The following TCN1 variants were observed in gnomAD, a reference collection of about 807,000 sequenced individuals.
TCN1 encodes the protein transcobalamin-1.
A neutral mutation model predicts 46.3 loss-of-function variants in TCN1; 47 were observed. That is an observed-to-expected ratio of 1.01 (90% CI 0.80 to 1.29). The LOEUF (loss-of-function observed/expected upper bound fraction) is 1.29. Among genes scored for constraint, TCN1 ranks in the 50% most tolerant of loss-of-function variants. The pLI, the probability that TCN1 is intolerant of heterozygous loss-of-function variation, is 0.00. For missense variants in TCN1, 532 were observed against 511.0 expected, an observed-to-expected ratio of 1.04 and a Z score of -0.40; for synonymous variants, 183 against 192.5, an observed-to-expected ratio of 0.95 and a Z score of 0.41.
At chr11:59,859,480 C>T (rs1474315867) in intron 4 of TCN1, among the ~76,000 whole-genome samples, 3 of 152,166 alleles carry the variant, frequency 2.0e-5, no homozygotes, top group Non-Finnish European at 2.9e-5. Flanking sequence ...AGATTTCTTC[C>T]CAATGTTCAG....
intron 6 of TCN1, among the ~76,000 whole-genome samples, chr11:59,855,632 T>C (rs963336227): frequency 2.6e-5 from 4 of 152,192 alleles, no homozygotes; most frequent in Non-Finnish European, 5.9e-5. Context: ...TAGACATTAT[T>C]TAATCAGGTC....
chr11:59,853,896 A>G (rs1007428136), intron 7 of TCN1, among the ~76,000 whole-genome samples: 1 of 152,154 alleles, frequency 6.6e-6, no homozygotes, highest in African/African-American at 2.4e-5. Flanking sequence ...GATTTTCTTT[A>G]TAGCATCCTA....
chr11:59,860,754 A>G (rs2135108795), intron 4 of TCN1, among the ~76,000 whole-genome samples: 1 of 152,330 alleles, frequency 6.6e-6, no homozygotes, highest in East Asian at 1.9e-4. Context: ...AAGGAAAGAT[A>G]AGGACACGTT....
intron 2 of TCN1, 98 bp from the exon 3 acceptor site, chr11:59,862,820 T>C: frequency 7.5e-7 from 1 of 1,329,708 alleles, no homozygotes; most frequent in South Asian, 1.2e-5. Flanking sequence ...ACTTTTTTCT[T>C]CTGTTGCGCT....
At chr11:59,863,160 G>T (rs1307622279) in intron 2 of TCN1, among the ~76,000 whole-genome samples, 3 of 152,148 alleles carry the variant, frequency 2.0e-5, no homozygotes, top group African/African-American at 7.2e-5. Flanking sequence ...ATGCATTCCT[G>T]TATGAATATT....
chr11:59,861,320 G>C (rs765445864), intron 4 of TCN1, among the ~76,000 whole-genome samples: 9 of 152,026 alleles, frequency 5.9e-5, no homozygotes, highest in Non-Finnish European at 1.2e-4. Context: ...GCAGAAACCG[G>C]GTATTTCTAC....
intron 5 of TCN1, 21 bp from the exon 6 acceptor site, chr11:59,856,079 G>T (rs543167013): frequency 4.6e-6 from 6 of 1,304,214 alleles, no homozygotes; most frequent in Admixed American, 3.5e-5. Context: ...AGGGTGGGGT[G>T]GGGGGGTGAT....
At chr11:59,859,374 T>C in intron 4 of TCN1, 107 bp from the exon 5 acceptor site, 1 of 1,246,730 alleles carries the variant, frequency 8.0e-7, no homozygotes, top group South Asian at 1.2e-5. Context: ...GAAAAACAGA[T>C]CTAGAAAAAC....
chr11:59,864,564 CT>C (rs1853052734), intron 1 of TCN1, among the ~76,000 whole-genome samples: 1 of 152,056 alleles, frequency 6.6e-6, no homozygotes, highest in African/African-American at 2.4e-5. Flanking sequence ...GGTAATAATT[CT>C]GTGTTATACT....
intron 2 of TCN1, among the ~76,000 whole-genome samples, chr11:59,863,060 T>C (rs1853034375): frequency 6.6e-6 from 1 of 152,134 alleles, no homozygotes; most frequent in African/African-American, 2.4e-5. Flanking sequence ...TATTTGTGTA[T>C]CTAAACATAT....
chr11:59,857,339 C>T (rs1852955225), intron 5 of TCN1, among the ~76,000 whole-genome samples: 1 of 152,080 alleles, frequency 6.6e-6, no homozygotes, highest in Non-Finnish European at 1.5e-5. Context: ...TCTAAGAGCT[C>T]CTTCAGGTGA....
intron 5 of TCN1, 60 bp downstream of exon 5, chr11:59,859,017 A>G (rs1268030538): frequency 3.2e-6 from 5 of 1,557,964 alleles, no homozygotes; most frequent in African/African-American, 1.4e-5. Context: ...AAAAAAAAAA[A>G]TACTGCTTTC....
intron 4 of TCN1, 112 bp from the exon 5 acceptor site, chr11:59,859,379 A>G (rs1852993870): frequency 8.7e-7 from 1 of 1,151,976 alleles, no homozygotes; most frequent in African/African-American, 1.5e-5. Context: ...ACAGATCTAG[A>G]AAAACTGGGA....
Position 59,856,078 on chromosome 11 carries a change from T to TGGGGGGGGGGGGG in TCN1, c.748-21_748-20insCCCCCCCCCCCCC. 2 of 323,566 alleles carry TGGGGGGGGGGGGG rather than the reference T, an allele frequency of 6.2e-6. No individual in the cohort carries two copies. The highest frequency in any genetic ancestry group is 1.1e-5 in the Non-Finnish European group (2 of 178,458). The allele number at this position is 323,566 out of a possible 1,614,324, so 20.0% of individuals were successfully genotyped here. Reference sequence around the variant, plus strand: ...GAGGGCCTAATGAGGCAGGGTGGGGTGGGGGGGTGATGAGAGATAAAGAGA... The same window carrying TGGGGGGGGGGGGG: ...GAGGGCCTAATGAGGCAGGGTGGGGTGGGGGGGGGGGGGGGGGGGGTGATGAGAGATAAAGAGA... On this transcript the variant is annotated intron_variant, in intron 5 of 8. Coordinates refer to ENST00000257264, the MANE Select transcript of TCN1 (RefSeq NM_001062.4).
intron 7 of TCN1, among the ~76,000 whole-genome samples, chr11:59,854,269 CA>C (rs1852898262): frequency 6.6e-6 from 1 of 151,336 alleles, no homozygotes; most frequent in African/African-American, 2.5e-5. Flanking sequence ...TGTGTATGTT[CA>C]TTTTTTTCCT....
chr11:59,854,572 T>C, intron 7 of TCN1, 80 bp downstream of exon 7: 1 of 1,447,050 alleles, frequency 6.9e-7, no homozygotes, highest in Non-Finnish European at 9.7e-7. Flanking sequence ...ATATACTTTG[T>C]ATTTAGGTGC....
Position 59,854,693 on chromosome 11 carries a change from A to G in TCN1, c.1080T>C (p.Ser360=), listed in dbSNP as rs1364599946. 1 of 1,613,970 alleles carries G rather than the reference A, an allele frequency of 6.2e-7. No homozygotes were observed. Among genetic ancestry groups the G allele is most frequent in the East Asian group, 2.2e-5 (1 of 44,866 alleles). The part of the protein sequence containing the change: ...VTVLNGSVFL[S]VMEKAQKMND... ...TCATTTTCTGGGCTTTCTCCATCAC[A>G]CTGAGGAAGACAGAACCATTTAGCA... is the stretch of plus-strand genomic sequence containing the variant. The change falls in exon 7 of 9, where the codon AGT becomes AGC. Residue 360 remains serine (S), a synonymous_variant. Coordinates refer to ENST00000257264, the MANE Select transcript of TCN1 (RefSeq NM_001062.4).
intron 5 of TCN1, 27 bp from the exon 6 acceptor site, chr11:59,856,085 G>GGGGGGGGGGGGGGGGGGC: frequency 1.7e-6 from 1 of 585,330 alleles, no homozygotes; most frequent in Admixed American, 2.0e-5. Flanking sequence ...GGGTGGGGGG[G>GGGGGGGGGGGGGGGGGGC]TGATGAGAGA....
intron 3 of TCN1, 91 bp downstream of exon 3, chr11:59,862,491 G>C: frequency 6.7e-7 from 1 of 1,481,552 alleles, no homozygotes; most frequent in Non-Finnish European, 9.4e-7. Context: ...GGGATGAAGA[G>C]AAGGAAAGAG....
Sources: allele counts gnomAD v4.1 joint callset (sites outside exome capture counted in the v4.1 genomes callset), GRCh38; gene constraint gnomAD v4.1.1; transcripts MANE v1.5; gene names NCBI Gene and HGNC (gene_info 2026-07-23, HGNC 2026-07-21).